Variants in BAZ2B observed in about 807,000 individuals in gnomAD.
The protein encoded by BAZ2B is bromodomain adjacent to zinc finger domain protein 2B.
A neutral mutation model predicts 246.0 loss-of-function variants in BAZ2B; 91 were observed. The ratio of observed to expected loss-of-function variants is 0.37; its 90% CI spans 0.31 to 0.44. The LOEUF is 0.44. BAZ2B is among the 20% of genes least tolerant of loss of function. The probability of loss-of-function intolerance (pLI) is 1.00; values close to 1 mark genes in which losing one functional copy is unlikely to be tolerated. For missense variants in BAZ2B, 2,332 were observed against 2,533.7 expected, an observed-to-expected ratio of 0.92 and a Z score of 1.71; for synonymous variants, 855 against 860.0, an observed-to-expected ratio of 0.99 and a Z score of 0.10.
intron 21 of BAZ2B, among the ~76,000 whole-genome samples, chr2:159,388,480 A>C (rs2062905899): frequency 1.3e-5 from 2 of 152,254 alleles, no homozygotes; most frequent in South Asian, 4.1e-4. Context: ...GGCTTTCAGG[A>C]TGATAAACAG....
chr2:159,340,770 A>G (rs2066549482), intron 31 of BAZ2B, among the ~76,000 whole-genome samples: 1 of 152,148 alleles, frequency 6.6e-6, no homozygotes, highest in Admixed American at 6.5e-5. Flanking sequence ...AAGGACTCCT[A>G]TATCTGAAAG....
At chr2:159,456,996 G>A (rs1178493298) in intron 3 of BAZ2B, among the ~76,000 whole-genome samples, 1 of 152,112 alleles carries the variant, frequency 6.6e-6, no homozygotes, top group East Asian at 1.9e-4. Context: ...TTTTAAAAAA[G>A]TAATCTTTTT....
intron 2 of BAZ2B, among the ~76,000 whole-genome samples, chr2:159,537,088 C>T (rs990875839): frequency 6.6e-6 from 1 of 152,150 alleles, no homozygotes; most frequent in African/African-American, 2.4e-5. Flanking sequence ...AACGAAAGGA[C>T]ATTCTGGCAC....
At chr2:159,352,094 T>A (rs144945336) in intron 27 of BAZ2B, among the ~76,000 whole-genome samples, 83 of 152,334 alleles carry the variant, frequency 5.4e-4, no homozygotes, top group African/African-American at 1.9e-3. Context: ...TATAATCTGG[T>A]TCCTGAAAAC....
At chr2:159,550,420 G>A (rs1354621572) in intron 2 of BAZ2B, among the ~76,000 whole-genome samples, 6 of 152,208 alleles carry the variant, frequency 3.9e-5, no homozygotes, top group South Asian at 2.1e-4. Flanking sequence ...GGAAGGGGGC[G>A]AAAAAGAGGA....
chr2:159,646,825 C>T, the BAZ2B span, among the ~76,000 whole-genome samples: 1 of 151,924 alleles, frequency 6.6e-6, no homozygotes, highest in African/African-American at 2.4e-5. Flanking sequence ...AGATTTTTGC[C>T]CCTTTATAAC....
chr2:159,517,211 C>T (rs1036035296), intron 2 of BAZ2B, among the ~76,000 whole-genome samples: 1 of 151,906 alleles, frequency 6.6e-6, no homozygotes, highest in East Asian at 1.9e-4. Flanking sequence ...ATTTTAAACT[C>T]ATATATCAAA....
chr2:159,612,849 G>A (rs1694988969), intron 1 of BAZ2B, among the ~76,000 whole-genome samples: 1 of 152,112 alleles, frequency 6.6e-6, no homozygotes, highest in African/African-American at 2.4e-5. Context: ...CAAAACATCT[G>A]CTCCTTTACA....
chr2:159,690,879 CTTGT>C, the BAZ2B span, among the ~76,000 whole-genome samples: 69,031 of 151,506 alleles, frequency 0.46, 16,520 homozygotes, highest in Middle Eastern at 0.63. Flanking sequence ...ACTGATTCCT[CTTGT>C]TTAACTGTAT....
At chr2:159,470,289 T>C (rs1030767531) in intron 3 of BAZ2B, among the ~76,000 whole-genome samples, 2 of 152,246 alleles carry the variant, frequency 1.3e-5, no homozygotes, top group Admixed American at 1.3e-4. Context: ...AGAAGGGAAC[T>C]GTCTCAGTAA....
At chr2:159,427,756 C>T (rs1446839918) in intron 13 of BAZ2B, among the ~76,000 whole-genome samples, 185 bp downstream of exon 13, 1 of 152,050 alleles carries the variant, frequency 6.6e-6, no homozygotes, top group Non-Finnish European at 1.5e-5. Context: ...CCTATTATGT[C>T]AAAGCTCCTT....
At chr2:159,650,719 C>A in the BAZ2B span, among the ~76,000 whole-genome samples, 2 of 152,138 alleles carry the variant, frequency 1.3e-5, no homozygotes, top group Non-Finnish European at 2.9e-5. Context: ...TATCTAGTGA[C>A]CTTGGTCTCT....
intron 14 of BAZ2B, chr2:159,411,801 T>C (rs932439000): frequency 8.5e-5 from 26 of 304,714 alleles, no homozygotes; most frequent in Non-Finnish European, 1.2e-4. Flanking sequence ...TTTCTGGTTA[T>C]CTTAAAGTAC....
At chr2:159,519,881 T>C (rs1204656058) in intron 2 of BAZ2B, among the ~76,000 whole-genome samples, 4 of 151,504 alleles carry the variant, frequency 2.6e-5, no homozygotes, top group Non-Finnish European at 5.9e-5. Flanking sequence ...TCTATGATCC[T>C]GCCCATTACA....
the BAZ2B span, among the ~76,000 whole-genome samples, chr2:159,653,496 G>T: frequency 0.46 from 69,401 of 152,046 alleles, 16,700 homozygotes; most frequent in Middle Eastern, 0.64. Context: ...GAATCGTATA[G>T]TATAGGTTTT....
chr2:159,448,304 T>G lies in BAZ2B; in HGVS notation c.440A>C (p.His147Pro). The G allele has an allele frequency of 6.2e-7, 1 of 1,613,408 alleles. No individual in the cohort carries two copies. The highest frequency in any genetic ancestry group is 1.3e-5 in the African/African-American group (1 of 74,984). Reference sequence around the variant, plus strand: ...CCTTGAATGGAATGAAGAAGAATCATGATTCTGGGCTGGGGGAGCAAATAG... The same window carrying G: ...CCTTGAATGGAATGAAGAAGAATCAGGATTCTGGGCTGGGGGAGCAAATAG... ...PPLFAPPAQN[H>P]DSSSFHSRTS... Residue 147 changes from histidine to proline, a missense_variant, in exon 5 of 37, where the codon CAT becomes CCT. By Grantham distance (77) the His-to-Pro change is moderately conservative (BLOSUM62 -2). This residue lies in a region of BAZ2B where 242 missense variants were observed against 237.4 expected (regional missense o/e 1.02). Transcript: ENST00000392783.
At chr2:159,614,343 T>G (rs1247444968) in intron 1 of BAZ2B, among the ~76,000 whole-genome samples, 1 of 152,212 alleles carries the variant, frequency 6.6e-6, no homozygotes, top group Non-Finnish European at 1.5e-5. Context: ...AAATCAATTC[T>G]GCCTCTTAAA....
intron 6 of BAZ2B, among the ~76,000 whole-genome samples, chr2:159,441,548 C>A (rs1431226269): frequency 3.3e-5 from 5 of 152,120 alleles, no homozygotes; most frequent in Admixed American, 3.3e-4. Context: ...TTTGTATCAC[C>A]AGTTTCATTA....
At chr2:159,370,949 G>A (rs1044899409) in intron 27 of BAZ2B, among the ~76,000 whole-genome samples, 3 of 151,946 alleles carry the variant, frequency 2.0e-5, no homozygotes, top group Non-Finnish European at 4.4e-5. Context: ...GGGATTACTG[G>A]CATGCGCCAC....
Sources: gnomAD v4.1 joint callset for allele counts (sites outside exome capture counted in the v4.1 genomes callset) on GRCh38, gnomAD v4.1.1 for gene constraint, gnomAD v4.1.1 regional missense constraint, MANE v1.5 for transcripts, NCBI Gene and HGNC (gene_info 2026-07-23, HGNC 2026-07-21) for gene names.